Variants in NUP210 observed in about 807,000 individuals in gnomAD.
NUP210 encodes nuclear pore membrane glycoprotein 210.
NUP210 carries 151 observed loss-of-function variants against 196.0 expected under a neutral mutation model. The ratio of observed to expected loss-of-function variants is 0.77; its 90% CI spans 0.67 to 0.88. NUP210 has a LOEUF of 0.88. Ranked by LOEUF, NUP210 falls within the 40% of genes least tolerant of loss-of-function variation. NUP210 has a pLI of 0.00. For missense variants in NUP210, 2,314 were observed against 2,493.7 expected (o/e 0.93, Z 1.53); for synonymous variants, 1,070 against 1,052.7 (o/e 1.02, Z -0.32).
At chr3:13,320,115 C>G (rs373223597) in intron 36 of NUP210, 136 bp from the exon 37 acceptor site, 1 of 785,742 alleles carries the variant, frequency 1.3e-6, no homozygotes, top group Non-Finnish European at 2.0e-6. Flanking sequence ...GCCTGACATG[C>G]TGGGCTTCCC....
chr3:13,326,486 G>A (rs962997002), intron 32 of NUP210, among the ~76,000 whole-genome samples: 4 of 152,022 alleles, frequency 2.6e-5, no homozygotes, highest in Admixed American at 6.5e-5. Context: ...AATTATATTT[G>A]TTTTTCCTTA....
Position 13,371,931 on chromosome 3 carries a change from C to T in NUP210, c.1689G>A (p.Met563Ile). 1.4e-5 allele frequency: 22 copies of T among 1,607,794 alleles called. No individual in the cohort carries two copies. Among genetic ancestry groups the T allele is most frequent in the Non-Finnish European group, 1.9e-5 (22 of 1,177,346 alleles). ...TGACCACCTCACTGGCCCCGCCGGG[C>T]ATGAGGCCACTGATCCTCAGGGGCA... ...LELPLRISGLMPGGASEVVTL... is the reference protein window; with the variant it reads ...LELPLRISGLIPGGASEVVTL... Residue 563 changes from methionine to isoleucine, a missense_variant, in exon 13 of 40, where the codon ATG becomes ATA. Coordinates refer to ENST00000254508, the MANE Select transcript of NUP210 (RefSeq NM_024923.4).
chr3:13,373,017 G>A (rs1360647107), intron 12 of NUP210, among the ~76,000 whole-genome samples: 2 of 152,210 alleles, frequency 1.3e-5, no homozygotes, highest in Non-Finnish European at 2.9e-5. Flanking sequence ...AGATAGAGGT[G>A]GCTCTGGGTC....
chr3:13,326,929 A>G (rs1282908902), intron 32 of NUP210, among the ~76,000 whole-genome samples: 1 of 152,278 alleles, frequency 6.6e-6, no homozygotes, highest in Non-Finnish European at 1.5e-5. Flanking sequence ...TATGCAGCCC[A>G]TACAATCTCT....
chr3:13,319,104 G>C lies in NUP210; in HGVS notation c.5531C>G (p.Thr1844Arg). 6.2e-7 allele frequency: 1 copy of C among 1,608,272 alleles called. No individual in the cohort carries two copies. The highest frequency in any genetic ancestry group is 1.7e-4 in the Middle Eastern group (1 of 6,018). ...PRDLAVPAAL[T>R]PRASPGHSPH... ...GCTGTGTCCAGGGCTGGCTCGAGGC[G>C]TGAGGGCTGCAGGCACAGCAAGATC... Residue 1844 changes from threonine (T) to arginine (R), a missense_variant, in exon 39 of 40, where the codon ACG becomes AGG. Transcript: ENST00000254508.
chr3:13,331,348 C>A (rs928171420), intron 29 of NUP210, among the ~76,000 whole-genome samples: 8 of 152,228 alleles, frequency 5.3e-5, no homozygotes, highest in Non-Finnish European at 7.3e-5. Flanking sequence ...CGGCTAGTTT[C>A]CATCATCTCT....
intron 1 of NUP210, among the ~76,000 whole-genome samples, chr3:13,418,098 T>C (rs1700405339): frequency 6.6e-6 from 1 of 152,220 alleles, no homozygotes; most frequent in African/African-American, 2.4e-5. Context: ...AATGAGCATG[T>C]ATCCCCGCCA....
chr3:13,354,140 C>A (rs751208091), intron 16 of NUP210, 33 bp from the exon 17 acceptor site: 2 of 1,544,292 alleles, frequency 1.3e-6, no homozygotes, highest in East Asian at 2.4e-5. Context: ...GTTGTGGTCA[C>A]CCCCAGGACT....
intron 16 of NUP210, 185 bp from the exon 17 acceptor site, chr3:13,354,292 A>C: frequency 1.7e-6 from 1 of 598,222 alleles, no homozygotes; most frequent in Non-Finnish European, 3.0e-6. Context: ...GGCCCTGTCC[A>C]AGCTGGCCTC....
At chr3:13,360,552 G>A in intron 14 of NUP210, 61 bp from the exon 15 acceptor site, 2 of 1,361,756 alleles carry the variant, frequency 1.5e-6, no homozygotes, top group Non-Finnish European at 1.0e-6. Context: ...CAGGAGCCGG[G>A]CATCCCAGCC....
At chr3:13,364,281 G>A (rs1698460262) in intron 14 of NUP210, among the ~76,000 whole-genome samples, 2 of 152,158 alleles carry the variant, frequency 1.3e-5, no homozygotes, top group Admixed American at 1.3e-4. Flanking sequence ...TGCACAAGTA[G>A]GTAGGTATTC....
rs71066953 is a variant in NUP210 at position 13,412,231 on chromosome 3, C to CTTTTTTTTTT, written c.167+7819_167+7828dup. Among the ~76,000 whole-genome samples the CTTTTTTTTTT allele has an allele frequency of 8.6e-5, 9 of 104,786 alleles. 2 individuals are homozygous for CTTTTTTTTTT. The highest frequency in any genetic ancestry group is 1.6e-4 in the Non-Finnish European group (9 of 56,724). The allele number at this position is 104,786 out of a possible 152,430, so 68.7% of individuals were successfully genotyped here. Reference sequence around the variant, plus strand: ...CCACACCCAGCTTTATTTTCCTTTTCTTTTTTTTTTTTTTTTAGTAGAGAC... The same window carrying CTTTTTTTTTT: ...CCACACCCAGCTTTATTTTCCTTTTCTTTTTTTTTTTTTTTTTTTTTTTTTTAGTAGAGAC... On this transcript the variant is annotated intron_variant, in intron 1 of 39. Transcript: ENST00000254508.
intron 1 of NUP210, among the ~76,000 whole-genome samples, chr3:13,400,338 C>T (rs1024250054): frequency 6.6e-6 from 1 of 152,152 alleles, no homozygotes; most frequent in Non-Finnish European, 1.5e-5. Flanking sequence ...TTCCACTAAC[C>T]CTGGGGATCA....
intron 3 of NUP210, among the ~76,000 whole-genome samples, chr3:13,392,641 C>G (rs1052152783): frequency 2.0e-5 from 3 of 152,192 alleles, no homozygotes; most frequent in African/African-American, 7.2e-5. Context: ...GAGACCCTTC[C>G]CGCATACCCC....
At chr3:13,359,078 G>A (rs1698283402) in intron 15 of NUP210, among the ~76,000 whole-genome samples, 1 of 152,166 alleles carries the variant, frequency 6.6e-6, no homozygotes, top group South Asian at 2.1e-4. Flanking sequence ...CAGATAACAT[G>A]CACTTGATGG....
In NUP210 at chr3:13,330,485, T is replaced by C. The variant is rs1302811838; in HGVS notation, c.4085A>G (p.Asn1362Ser). ...EVIAQEPFGA[N>S]QTIIVAVKVS... Reference sequence around the variant, plus strand: ...CTTTACAGCAACAATGATGGTTTGGTTGGCCCCAAAGGGCTCTTGTGCAAT... The same window carrying C: ...CTTTACAGCAACAATGATGGTTTGGCTGGCCCCAAAGGGCTCTTGTGCAAT... Residue 1362 changes from asparagine (N) to serine (S), a missense_variant, in exon 30 of 40, where the codon AAC (asparagine) becomes AGC (serine). Transcript: ENST00000254508. The C allele has an allele frequency of 3.7e-6, 6 of 1,614,036 alleles. No individual in the cohort carries two copies. The African/African-American group carries it at 8.0e-5, about 22-fold the overall frequency.
intron 31 of NUP210, 147 bp from the exon 32 acceptor site, chr3:13,327,584 C>T: frequency 1.6e-6 from 1 of 638,922 alleles, no homozygotes; most frequent in South Asian, 1.9e-5. Context: ...GGTTACCAAG[C>T]AGTGGCCCCA....
intron 16 of NUP210, 32 bp from the exon 17 acceptor site, chr3:13,354,139 AC>A (rs1347794403): frequency 4.5e-6 from 7 of 1,546,988 alleles, no homozygotes; most frequent in Non-Finnish European, 5.3e-6. Flanking sequence ...TGTTGTGGTC[AC>A]CCCCAGGACT....
At position 13,386,383 on chromosome 3, in the gene NUP210, G is replaced by T. The variant is rs1337755568; in HGVS notation, c.709C>A (p.Leu237Met). 8 of 1,614,190 alleles carry T rather than the reference G, an allele frequency of 5.0e-6. No individual in the cohort carries two copies. Among genetic ancestry groups the T allele is most frequent in the Non-Finnish European group, 6.8e-6 (8 of 1,180,032 alleles). The stretch of plus-strand genomic sequence containing the variant: ...AGAAGGATGTTTTCCAAAATCAGCA[G>T]CCTGACTTCTGCAGGGCGTACATTC... ...YKNVRPAEVRLLILENILLNP... is the reference protein window; with the variant it reads ...YKNVRPAEVRMLILENILLNP... The change falls in exon 6 of 40, where the codon CTG becomes ATG. Residue 237 changes from leucine to methionine, a missense_variant. Transcript: ENST00000254508.
Sources: gnomAD v4.1 joint callset for allele counts (sites outside exome capture counted in the v4.1 genomes callset) on GRCh38, gnomAD v4.1.1 for gene constraint, MANE v1.5 for transcripts, NCBI Gene and HGNC (gene_info 2026-07-23, HGNC 2026-07-21) for gene names.